Variants in EBF3 observed in about 807,000 individuals in gnomAD.
EBF3 encodes the protein EBF transcription factor 3, also known as transcription factor COE3.
Under a neutral mutation model 77.1 loss-of-function variants are expected in EBF3, and 18 were observed. The observed-to-expected ratio is 0.23, with a 90% CI of 0.16 to 0.35. The LOEUF (loss-of-function observed/expected upper bound fraction) is 0.35. Ranked by LOEUF, EBF3 falls within the 10% of genes least tolerant of loss-of-function variation. The pLI is 1.00. For synonymous variants in EBF3, 350 were observed against 343.5 expected (o/e 1.02, Z -0.21); for missense variants, 558 against 860.0 (o/e 0.65, Z 4.39).
chr10:129,851,103 C>T (rs1850848886), intron 10 of EBF3, among the ~76,000 whole-genome samples: 1 of 152,220 alleles, frequency 6.6e-6, no homozygotes, highest in African/African-American at 2.4e-5. Flanking sequence ...ACCTGCGCTG[C>T]ATTACTTTGC....
At chr10:129,882,871 C>G (rs188593047) in intron 6 of EBF3, among the ~76,000 whole-genome samples, 1 of 152,360 alleles carries the variant, frequency 6.6e-6, no homozygotes, top group African/African-American at 2.4e-5. Context: ...CCATCCTCAC[C>G]GCCTTCCCTG....
intron 5 of EBF3, among the ~76,000 whole-genome samples, chr10:129,957,814 C>T (rs1781010599): frequency 1.3e-5 from 2 of 152,194 alleles, no homozygotes; most frequent in South Asian, 4.1e-4. Context: ...TTCTATTGTT[C>T]CTTCTTTAAG....
intron 6 of EBF3, among the ~76,000 whole-genome samples, chr10:129,924,709 C>A (rs145468405): frequency 6.6e-6 from 1 of 152,142 alleles, no homozygotes; most frequent in Non-Finnish European, 1.5e-5. Flanking sequence ...CTCTGTTGCC[C>A]GAGCTAGAGT....
At chr10:129,956,402 G>A (rs941094142) in intron 6 of EBF3, among the ~76,000 whole-genome samples, 6 of 152,152 alleles carry the variant, frequency 3.9e-5, no homozygotes, top group Admixed American at 1.3e-4. Flanking sequence ...TCAATCACAC[G>A]CTGGGCCTTT....
At chr10:129,903,175 A>C (rs182710018) in intron 6 of EBF3, among the ~76,000 whole-genome samples, 342 of 152,336 alleles carry the variant, frequency 2.2e-3, no homozygotes, top group African/African-American at 7.6e-3. Context: ...ATTAGATGGA[A>C]CCAGGTGAAG....
At chr10:129,895,956 T>C in intron 6 of EBF3, among the ~76,000 whole-genome samples, 1 of 152,222 alleles carries the variant, frequency 6.6e-6, no homozygotes. Flanking sequence ...CATACTGTAA[T>C]TAGGAAGAAA....
At chr10:129,910,135 C>T (rs1410795589) in intron 6 of EBF3, among the ~76,000 whole-genome samples, 1 of 152,210 alleles carries the variant, frequency 6.6e-6, no homozygotes, top group African/African-American at 2.4e-5. Context: ...CTCGGACCGC[C>T]GGGCCAGGGG....
chr10:129,883,690 G>A (rs1159410551), intron 6 of EBF3, among the ~76,000 whole-genome samples: 1 of 149,560 alleles, frequency 6.7e-6, no homozygotes, highest in African/African-American at 2.5e-5. Context: ...AAGGAAAAAT[G>A]AGTACTGAAA....
intron 11 of EBF3, among the ~76,000 whole-genome samples, chr10:129,847,953 C>T (rs1439077369): frequency 2.0e-5 from 3 of 152,104 alleles, no homozygotes; most frequent in Admixed American, 6.5e-5. Context: ...TAAACTGAAT[C>T]GAGCTTTAGA....
intron 6 of EBF3, among the ~76,000 whole-genome samples, chr10:129,936,875 G>A (rs1371727277): frequency 2.0e-5 from 3 of 152,190 alleles, no homozygotes; most frequent in Admixed American, 2.0e-4. Context: ...CCTCAGACAC[G>A]AACAAATCAA....
At chr10:129,858,395 C>T (rs1228344440) in intron 10 of EBF3, among the ~76,000 whole-genome samples, 1 of 152,214 alleles carries the variant, frequency 6.6e-6, no homozygotes, top group Non-Finnish European at 1.5e-5. Flanking sequence ...GCTGTTCCAT[C>T]GTAAGAGCCC....
chr10:129,938,335 T>C lies in EBF3; in HGVS notation c.554+18923A>G, dbSNP rs1589908956. ...GAGGCAGATCACTTGAGCTCAGGAGTTCAACACCAGCCTGGGCAACATGGC... is the reference window on the plus strand; with the variant it reads ...GAGGCAGATCACTTGAGCTCAGGAGCTCAACACCAGCCTGGGCAACATGGC... On this transcript the variant is annotated intron_variant, in intron 6 of 16. Coordinates refer to ENST00000440978, the MANE Select transcript of EBF3 (RefSeq NM_001375380.1). This position sits in a 1 kb window ranked among gnomAD's most constrained non-coding sequence, Gnocchi z 5.1. Among the ~76,000 whole-genome samples, 1 of 148,012 alleles carries C rather than the reference T, an allele frequency of 6.8e-6. No homozygotes were observed. The highest frequency in any genetic ancestry group is 2.1e-4 in the South Asian group (1 of 4,714).
intron 6 of EBF3, 36 bp downstream of exon 6, chr10:129,957,222 C>A (rs762435061): frequency 1.9e-6 from 3 of 1,556,814 alleles, no homozygotes; most frequent in African/African-American, 1.4e-5. Context: ...GTTGCTGCTG[C>A]GGTTTTGTTT....
At position 129,861,918 on chromosome 10, in the gene EBF3, G is replaced by A. The variant is rs987208467; in HGVS notation, c.1039+5223C>T. 4.6e-5 allele frequency among the ~76,000 whole-genome samples: 7 copies of A among 152,218 alleles called. No homozygotes were observed. Among genetic ancestry groups the A allele is most frequent in the African/African-American group, 7.2e-5 (3 of 41,452 alleles). ...TGGGAGACAGCAAGCTGGGGCTGGCGTGGTCGAAGGGCACAGTCGACTCCG... is the reference window on the plus strand; with the variant it reads ...TGGGAGACAGCAAGCTGGGGCTGGCATGGTCGAAGGGCACAGTCGACTCCG... On this transcript the variant is annotated intron_variant, in intron 10 of 16. Transcript: ENST00000440978. This position sits in a 1 kb window ranked among gnomAD's most constrained non-coding sequence, Gnocchi z 4.3.
Position 129,841,042 on chromosome 10 carries a change from T to TCCCAC in EBF3, c.1373-11_1373-10insGTGGG. 6.6e-7 allele frequency: 1 copy of TCCCAC among 1,507,650 alleles called. No individual in the cohort carries two copies. Among genetic ancestry groups the TCCCAC allele is most frequent in the South Asian group, 1.3e-5 (1 of 76,902 alleles). 93.4% of individuals were successfully genotyped at this position (1,507,650 alleles called of 1,614,324 possible). On this transcript the variant is annotated splice_polypyrimidine_tract_variant and intron_variant, in intron 13 of 16. Transcript: ENST00000440978. The surrounding 1 kb of genome is among the most constrained non-coding windows in gnomAD (Gnocchi z 4.6). ...TTGCGACTGTAGCCGACTGTTGAAA[T>TCCCAC]CCCCCCCCCGGCCAAAAATAACATT...
chr10:129,919,840 T>C (rs1564889125), intron 6 of EBF3, among the ~76,000 whole-genome samples: 1 of 152,144 alleles, frequency 6.6e-6, no homozygotes, highest in Non-Finnish European at 1.5e-5. Context: ...TCTGTTTGGG[T>C]TCGCCACCAT....
chr10:129,875,540 G>A lies in EBF3; in HGVS notation c.637-1944C>T, dbSNP rs570203270. ...TCAGACTCCACAAGATGATGATGCA[G>A]CAGGGGCGGTACACACGCATCCCAC... On this transcript the variant is annotated intron_variant, in intron 7 of 16. Transcript: ENST00000440978. Among the ~76,000 whole-genome samples, 5 of 152,346 alleles carry A rather than the reference G, an allele frequency of 3.3e-5. No individual in the cohort carries two copies. In the South Asian group the frequency reaches 1.0e-3, roughly 32 times the overall value.
intron 10 of EBF3, among the ~76,000 whole-genome samples, chr10:129,850,904 G>A (rs1052362819): frequency 2.0e-5 from 3 of 152,204 alleles, no homozygotes; most frequent in African/African-American, 7.2e-5. Flanking sequence ...CCCGACGGGA[G>A]GAGAAAGCAC....
Position 129,850,719 on chromosome 10 carries a change from G to T in EBF3, c.1040-2239C>A, listed in dbSNP as rs76305292. On this transcript the variant is annotated intron_variant, in intron 10 of 16. Coordinates refer to ENST00000440978, the MANE Select transcript of EBF3 (RefSeq NM_001375380.1). ...ATGACACGCATTCGTGGTTCTGGGA[G>T]GCTTCTGATCACTGAAGGTGGGGGT... is the stretch of plus-strand genomic sequence containing the variant. Among the ~76,000 whole-genome samples, 713 of 152,302 alleles carry T rather than the reference G, an allele frequency of 4.7e-3. 3 individuals are homozygous for T. Among genetic ancestry groups the T allele is most frequent in the African/African-American group, 0.016 (677 of 41,576 alleles).
Sources: allele counts gnomAD v4.1 joint callset (sites outside exome capture counted in the v4.1 genomes callset), GRCh38; gene constraint gnomAD v4.1.1; non-coding constraint Gnocchi (gnomAD v3.1); transcripts MANE v1.5; gene names NCBI Gene and HGNC (gene_info 2026-07-23, HGNC 2026-07-21).